CACNA1C: variants seen among roughly 807,000 people sequenced by gnomAD.
The protein encoded by CACNA1C is calcium voltage-gated channel subunit alpha1 C.
Under a neutral mutation model 229.0 loss-of-function variants are expected in CACNA1C, and 30 were observed. The observed-to-expected ratio is 0.13, with a 90% CI of 0.10 to 0.18. CACNA1C has a LOEUF of 0.18. CACNA1C is among the 10% of genes least tolerant of loss of function. CACNA1C has a pLI of 1.00. For synonymous variants in CACNA1C, 1,114 were observed against 1,132.5 expected (o/e 0.98, Z 0.33); for missense variants, 1,658 against 2,845.0 (o/e 0.58, Z 9.49).
At chr12:2,046,957 C>T (rs1013073406) in intron 1 of CACNA1C, among the ~76,000 whole-genome samples, 3 of 152,120 alleles carry the variant, frequency 2.0e-5, no homozygotes. Flanking sequence ...TATGGGTCTT[C>T]CAAAAGAAGG....
chr12:2,439,161 C>T (rs915990471), intron 3 of CACNA1C, among the ~76,000 whole-genome samples: 3 of 152,214 alleles, frequency 2.0e-5, no homozygotes, highest in Non-Finnish European at 4.4e-5. Context: ...GAGGACCTGA[C>T]AGCCCTGGGA....
chr12:2,463,050 C>T (rs919776658), intron 5 of CACNA1C, among the ~76,000 whole-genome samples: 4 of 150,978 alleles, frequency 2.6e-5, no homozygotes, highest in Admixed American at 6.6e-5. Flanking sequence ...GTAGCTGGGA[C>T]TATAGGCACC....
intron 1 of CACNA1C, among the ~76,000 whole-genome samples, chr12:2,087,607 A>G (rs2068209753): frequency 6.6e-6 from 1 of 152,198 alleles, no homozygotes; most frequent in African/African-American, 2.4e-5. Context: ...TAGTGTGAGA[A>G]TTTTAGGTAA....
chr12:2,601,029 C>A lies in CACNA1C; in HGVS notation c.2854-825C>A, dbSNP rs2071846431. On this transcript the variant is annotated intron_variant, in intron 21 of 46. Transcript: ENST00000399655. The surrounding 1 kb of genome is among the most constrained non-coding windows in gnomAD (Gnocchi z 5.9). ...GCTCCAGGCCACAAAAATAAAATAC[C>A]ACAGGTCTGGGATTCCAGCCCAGGC... Among the ~76,000 whole-genome samples, 1 of 152,150 alleles carries A rather than the reference C, an allele frequency of 6.6e-6. No individual in the cohort carries two copies. The highest frequency in any genetic ancestry group is 1.5e-5 in the Non-Finnish European group (1 of 68,020).
intron 1 of CACNA1C, among the ~76,000 whole-genome samples, chr12:2,114,680 CAG>C (rs1565780373): frequency 6.6e-6 from 1 of 152,136 alleles, no homozygotes; most frequent in African/African-American, 2.4e-5. Flanking sequence ...AACTCAGGTG[CAG>C]AGAGTTGAGT....
At chr12:2,142,930 C>A (rs1189073166) in intron 3 of CACNA1C, among the ~76,000 whole-genome samples, 2 of 151,154 alleles carry the variant, frequency 1.3e-5, no homozygotes, top group African/African-American at 4.8e-5. Context: ...AGAAAAGTTA[C>A]AGTAAGCTGA....
At chr12:2,635,940 T>C (rs1435008940) in intron 30 of CACNA1C, among the ~76,000 whole-genome samples, 1 of 152,200 alleles carries the variant, frequency 6.6e-6, no homozygotes, top group Non-Finnish European at 1.5e-5. Flanking sequence ...TTTTTTAAAA[T>C]TAGTCTTCCT....
intron 3 of CACNA1C, among the ~76,000 whole-genome samples, chr12:2,358,910 C>G (rs1319534232): frequency 2.0e-5 from 3 of 152,074 alleles, no homozygotes; most frequent in African/African-American, 7.2e-5. Context: ...ACTGCCCTCT[C>G]TTCCCTCTGC....
chr12:2,537,566 G>A (rs577719744), intron 9 of CACNA1C, among the ~76,000 whole-genome samples: 77 of 152,352 alleles, frequency 5.1e-4, no homozygotes, highest in Admixed American at 8.5e-4. Context: ...AACCGGGTTG[G>A]AGGAGGATTG....
intron 5 of CACNA1C, 113 bp downstream of exon 5, chr12:2,457,819 GGTTTTT>G: frequency 9.9e-7 from 1 of 1,013,646 alleles, no homozygotes; most frequent in Non-Finnish European, 1.3e-6. Flanking sequence ...TAAATGGAGG[GGTTTTT>G]GTTTTTGTTT....
At chr12:2,101,901 A>C (rs1042236664) in intron 1 of CACNA1C, among the ~76,000 whole-genome samples, 4 of 152,182 alleles carry the variant, frequency 2.6e-5, no homozygotes, top group Non-Finnish European at 5.9e-5. Flanking sequence ...AAACTGGGCC[A>C]GAGCAACAGA....
chr12:2,682,479 G>T (rs553741294), intron 42 of CACNA1C, 71 bp from the exon 43 acceptor site: 19 of 1,566,386 alleles, frequency 1.2e-5, no homozygotes, highest in Non-Finnish European at 1.6e-5. Flanking sequence ...CGTGTGTGAT[G>T]CTTTACTTGC....
intron 3 of CACNA1C, among the ~76,000 whole-genome samples, chr12:2,416,476 A>G (rs2098904814): frequency 1.3e-5 from 2 of 152,196 alleles, no homozygotes; most frequent in South Asian, 2.1e-4. Flanking sequence ...TTTTAACCCA[A>G]TAGGGTAGCT....
At chr12:2,490,815 C>A (rs1597899021) in intron 6 of CACNA1C, among the ~76,000 whole-genome samples, 1 of 152,144 alleles carries the variant, frequency 6.6e-6, no homozygotes, top group East Asian at 1.9e-4. Flanking sequence ...GGGAGCTGGA[C>A]CCTGAAATAA....
intron 45 of CACNA1C, among the ~76,000 whole-genome samples, chr12:2,687,717 G>C (rs12308916): frequency 0.048 from 7,293 of 152,148 alleles, 296 homozygotes; most frequent in East Asian, 0.15. Context: ...TTTTGCATTT[G>C]TAGTAGAGAC....
At chr12:2,618,455 T>C (rs955545460) in intron 29 of CACNA1C, among the ~76,000 whole-genome samples, 1 of 152,194 alleles carries the variant, frequency 6.6e-6, no homozygotes, top group Non-Finnish European at 1.5e-5. Context: ...TGAGCCTGTG[T>C]CAGAGCAGCG....
chr12:2,327,626 C>T (rs1031823633), intron 3 of CACNA1C, among the ~76,000 whole-genome samples: 2 of 152,166 alleles, frequency 1.3e-5, no homozygotes, highest in Non-Finnish European at 2.9e-5. Context: ...TGAGCAGGAA[C>T]TCGGAATACG....
chr12:1,996,662 A>AAT (rs2040989544), intron 1 of CACNA1C, among the ~76,000 whole-genome samples: 1 of 104,034 alleles, frequency 9.6e-6, no homozygotes. Flanking sequence ...AAAACAACAA[A>AAT]CTCTTCTAAT....
At chr12:1,998,320 T>C (rs971667847) in intron 1 of CACNA1C, among the ~76,000 whole-genome samples, 1 of 152,220 alleles carries the variant, frequency 6.6e-6, no homozygotes, top group African/African-American at 2.4e-5. Flanking sequence ...CTTTTTCTCC[T>C]TCCACCACAC....
Sources: gnomAD v4.1 joint callset for allele counts (sites outside exome capture counted in the v4.1 genomes callset) on GRCh38, gnomAD v4.1.1 for gene constraint, Gnocchi (gnomAD v3.1) non-coding constraint, MANE v1.5 for transcripts, NCBI Gene and HGNC (gene_info 2026-07-23, HGNC 2026-07-21) for gene names.